FOXP1: variants seen among roughly 807,000 people sequenced by gnomAD.
FOXP1 encodes forkhead box protein P1.
A neutral mutation model predicts 98.2 loss-of-function variants in FOXP1; 15 were observed. The observed-to-expected ratio is 0.15, with a 90% CI of 0.10 to 0.24. FOXP1 has a LOEUF of 0.24. Among genes scored for constraint, FOXP1 ranks in the 10% least tolerant of loss-of-function variants. FOXP1 has a pLI of 1.00. For missense variants in FOXP1, 633 were observed against 848.5 expected, an observed-to-expected ratio of 0.75 and a Z score of 3.15; for synonymous variants, 371 against 314.5, an observed-to-expected ratio of 1.18 and a Z score of -1.90.
At chr3:71,458,144 T>C (rs1403355124) in intron 3 of FOXP1, among the ~76,000 whole-genome samples, 13 of 152,242 alleles carry the variant, frequency 8.5e-5, no homozygotes, top group African/African-American at 2.7e-4. Context: ...GATACAAGAT[T>C]ACTTCACTTC....
intron 7 of FOXP1, among the ~76,000 whole-genome samples, chr3:71,070,876 C>T (rs983940410): frequency 2.0e-5 from 3 of 152,204 alleles, no homozygotes; most frequent in Non-Finnish European, 4.4e-5. Flanking sequence ...GGAAGTAGCA[C>T]TCTTGACAGC....
chr3:71,510,063 C>A (rs112743340), intron 2 of FOXP1, among the ~76,000 whole-genome samples: 38,644 of 152,018 alleles, frequency 0.25, 5,483 homozygotes, highest in Non-Finnish European at 0.33. Context: ...CACCTGTAAT[C>A]CCAGCTACCA....
chr3:71,253,011 G>A (rs1363292794), intron 5 of FOXP1, among the ~76,000 whole-genome samples: 2 of 152,226 alleles, frequency 1.3e-5, no homozygotes, highest in African/African-American at 4.8e-5. Context: ...CCACAATGCA[G>A]CTGACACCAT....
chr3:71,471,113 C>G (rs1445845781), intron 3 of FOXP1, among the ~76,000 whole-genome samples: 2 of 152,170 alleles, frequency 1.3e-5, no homozygotes, highest in Admixed American at 1.3e-4. Flanking sequence ...AACATTGATT[C>G]AACAACTATT....
chr3:70,982,763 T>G (rs1250123032), intron 14 of FOXP1, among the ~76,000 whole-genome samples: 2 of 152,232 alleles, frequency 1.3e-5, no homozygotes, highest in South Asian at 4.1e-4. Context: ...TTAAAGATGA[T>G]GAGTCACTCA....
chr3:71,112,695 A>AT, intron 6 of FOXP1, 58 bp from the exon 7 acceptor site: 1 of 1,281,804 alleles, frequency 7.8e-7, no homozygotes. Context: ...GGGACTCTTC[A>AT]TAAAAAAGGA....
chr3:71,216,053 C>G (rs1474032350), intron 5 of FOXP1, among the ~76,000 whole-genome samples: 1 of 152,146 alleles, frequency 6.6e-6, no homozygotes, highest in African/African-American at 2.4e-5. Flanking sequence ...ATTAGTGCAC[C>G]TGGCACGTGT....
rs540780147 is a variant in FOXP1, at chr3:71,420,438, T to C, written c.-167-61194A>G. Among the ~76,000 whole-genome samples the C allele has an allele frequency of 1.1e-3, 160 of 152,282 alleles. 1 individual carries two copies. The highest frequency in any genetic ancestry group is 3.4e-3 in the Middle Eastern group (1 of 294). On this transcript the variant is annotated intron_variant, in intron 3 of 20. Coordinates refer to ENST00000649528, the MANE Select transcript of FOXP1 (RefSeq NM_001349338.3). ...GCCACTTCACCTCTCTGAGCATCAGTGTCCTCAGCTGTGTAGAAGATGAAG... is the reference window on the plus strand; with the variant it reads ...GCCACTTCACCTCTCTGAGCATCAGCGTCCTCAGCTGTGTAGAAGATGAAG...
At chr3:71,066,357 T>C (rs769861169) in intron 7 of FOXP1, among the ~76,000 whole-genome samples, 1 of 152,182 alleles carries the variant, frequency 6.6e-6, no homozygotes, top group Non-Finnish European at 1.5e-5. Context: ...ACAGCGCAGA[T>C]CGCTCTTCAC....
intron 12 of FOXP1, among the ~76,000 whole-genome samples, chr3:71,008,843 T>C (rs2107675631): frequency 6.6e-6 from 1 of 152,126 alleles, no homozygotes; most frequent in South Asian, 2.1e-4. Context: ...ACAGTTATGA[T>C]ATTTCTTCCT....
At position 71,029,880 on chromosome 3, in the gene FOXP1, A is replaced by G. The variant is rs757165650; in HGVS notation, c.869+11448T>C. On this transcript the variant is annotated intron_variant, in intron 11 of 20. Transcript: ENST00000649528. ...AGAATCTACAGAGTTATTATATAAT[A>G]CATGCTCAATACGTGTGGTATGAAT... 2.4e-4 allele frequency among the ~76,000 whole-genome samples: 37 copies of G among 152,262 alleles called. 1 individual carries two copies. Among genetic ancestry groups the G allele is most frequent in the Admixed American group, 6.5e-4 (10 of 15,284 alleles).
intron 5 of FOXP1, among the ~76,000 whole-genome samples, chr3:71,241,657 TAAAGCTGAAGCAGTCGAAG>T (rs1421957722): frequency 1.3e-5 from 2 of 152,164 alleles, no homozygotes. Flanking sequence ...AGTGGAAAAT[TAAAGCTGAAGCAGTCGAAG>T]AAAGGGCTTA....
intron 5 of FOXP1, among the ~76,000 whole-genome samples, chr3:71,231,741 T>G (rs2066305124): frequency 6.6e-6 from 1 of 152,236 alleles, no homozygotes; most frequent in Non-Finnish European, 1.5e-5. Context: ...CTATTTTTCT[T>G]TTTCATTATG....
At chr3:71,421,742 T>A (rs1346311158) in intron 3 of FOXP1, among the ~76,000 whole-genome samples, 2 of 152,162 alleles carry the variant, frequency 1.3e-5, no homozygotes, top group Non-Finnish European at 2.9e-5. Context: ...AGTGGGATGA[T>A]GTCACCAAGC....
intron 8 of FOXP1, among the ~76,000 whole-genome samples, chr3:71,053,179 A>C (rs372852438): frequency 6.6e-6 from 1 of 152,248 alleles, no homozygotes; most frequent in Non-Finnish European, 1.5e-5. Flanking sequence ...TGGAAGAAGT[A>C]AAATCAACTC....
intron 3 of FOXP1, among the ~76,000 whole-genome samples, chr3:71,399,257 C>T (rs1408492773): frequency 6.6e-6 from 1 of 152,024 alleles, no homozygotes; most frequent in African/African-American, 2.4e-5. Flanking sequence ...TGTGTATATA[C>T]ACACAAAACA....
intron 3 of FOXP1, among the ~76,000 whole-genome samples, chr3:71,365,988 A>G (rs2078905830): frequency 6.6e-6 from 1 of 152,210 alleles, no homozygotes. Flanking sequence ...AAAACAAAAC[A>G]AAACAAAAAA....
At chr3:71,339,696 G>A (rs2076902326) in intron 4 of FOXP1, among the ~76,000 whole-genome samples, 1 of 152,192 alleles carries the variant, frequency 6.6e-6, no homozygotes, top group Non-Finnish European at 1.5e-5. Context: ...CAGGAATGCT[G>A]GTAGCAGTAT....
intron 10 of FOXP1, among the ~76,000 whole-genome samples, chr3:71,043,954 A>G (rs1233933852): frequency 6.6e-6 from 1 of 152,224 alleles, no homozygotes; most frequent in African/African-American, 2.4e-5. Context: ...AAAAATAGTA[A>G]CTCATTAAGT....
Sources: allele counts gnomAD v4.1 joint callset (sites outside exome capture counted in the v4.1 genomes callset), GRCh38; gene constraint gnomAD v4.1.1; transcripts MANE v1.5; gene names NCBI Gene and HGNC (gene_info 2026-07-23, HGNC 2026-07-21).